Variants in ADAMTS19 observed in about 807,000 individuals in gnomAD.
The protein encoded by ADAMTS19 is A disintegrin and metalloproteinase with thrombospondin motifs 19.
Under a neutral mutation model 153.3 loss-of-function variants are expected in ADAMTS19, and 93 were observed. The ratio of observed to expected loss-of-function variants is 0.61; its 90% CI spans 0.51 to 0.72. The LOEUF (loss-of-function observed/expected upper bound fraction) is 0.72, where lower values mean the gene tolerates loss of function less well. Among genes scored for constraint, ADAMTS19 ranks in the 30% least tolerant of loss-of-function variants. The probability of loss-of-function intolerance (pLI) is 0.00; values close to 1 mark genes in which losing one functional copy is unlikely to be tolerated. For missense variants in ADAMTS19, 1,482 were observed against 1,552.1 expected, an observed-to-expected ratio of 0.95 and a Z score of 0.76; for synonymous variants, 600 against 556.6, an observed-to-expected ratio of 1.08 and a Z score of -1.10.
chr5:129,540,022 G>T (rs1488103857), intron 6 of ADAMTS19, among the ~76,000 whole-genome samples: 1 of 152,028 alleles, frequency 6.6e-6, no homozygotes, highest in Non-Finnish European at 1.5e-5. Context: ...TTTCTAGTTA[G>T]GGTAAAGATG....
At chr5:129,724,951 A>G (rs979441086) in intron 21 of ADAMTS19, among the ~76,000 whole-genome samples, 5 of 152,106 alleles carry the variant, frequency 3.3e-5, no homozygotes, top group African/African-American at 9.7e-5. Context: ...TCAATGTTGA[A>G]CATATCTGGG....
In ADAMTS19 at chr5:129,702,971, T is replaced by TATATATATATATATAC. The variant is rs1389589629; in HGVS notation, c.3160-1267_3160-1266insTATATATATATATACA. Among the ~76,000 whole-genome samples the TATATATATATATATAC allele has an allele frequency of 1.2e-3, 159 of 129,722 alleles. 2 individuals carry two copies. The highest frequency in any genetic ancestry group is 1.4e-3 in the Non-Finnish European group (87 of 64,296). 85.1% of individuals were successfully genotyped at this position (129,722 alleles called of 152,430 possible). On this transcript the variant is annotated intron_variant, in intron 20 of 22. Coordinates refer to ENST00000274487, the MANE Select transcript of ADAMTS19 (RefSeq NM_133638.6). ...ATATATATATATATATATATATATA[T>TATATATATATATATAC]ACAAATACATATATATATGTATTAA... is the stretch of plus-strand genomic sequence containing the variant.
At chr5:129,498,770 C>T (rs1286514008) in intron 2 of ADAMTS19, among the ~76,000 whole-genome samples, 1 of 150,880 alleles carries the variant, frequency 6.6e-6, no homozygotes, top group African/African-American at 2.4e-5. Context: ...ATTGAGCTAC[C>T]CTTTCTGGCT....
chr5:129,485,217 A>G (rs1288563504), intron 2 of ADAMTS19, among the ~76,000 whole-genome samples: 1 of 152,166 alleles, frequency 6.6e-6, no homozygotes, highest in African/African-American at 2.4e-5. Flanking sequence ...ATATTACTTC[A>G]AATTTAGAAA....
In ADAMTS19 at chr5:129,684,292, T is replaced by C. The variant is rs1754967023; in HGVS notation, c.2818+19T>C. 6.2e-7 allele frequency: 1 copy of C among 1,612,144 alleles called. No individual in the cohort carries two copies. Among genetic ancestry groups the C allele is most frequent in the Non-Finnish European group, 8.5e-7 (1 of 1,179,164 alleles). On this transcript the variant is annotated intron_variant, in intron 18 of 22. Coordinates refer to ENST00000274487, the MANE Select transcript of ADAMTS19 (RefSeq NM_133638.6). ...GGAGGAGGTGAAGGATTTTTAAACA[T>C]TTATCTTTCCAAAACATCAGTTGTT...
intron 2 of ADAMTS19, among the ~76,000 whole-genome samples, chr5:129,501,438 C>T (rs1395869100): frequency 2.6e-5 from 4 of 152,102 alleles, no homozygotes; most frequent in Admixed American, 6.6e-5. Context: ...AGGGATGGGG[C>T]CTGGCCTGGC....
At chr5:129,642,093 G>A (rs1752815709) in intron 11 of ADAMTS19, 133 bp downstream of exon 11, 1 of 433,292 alleles carries the variant, frequency 2.3e-6, no homozygotes. Flanking sequence ...AAAAATATTA[G>A]TATTTCATCA....
chr5:129,726,585 T>C (rs114655714), intron 21 of ADAMTS19, among the ~76,000 whole-genome samples: 1 of 152,016 alleles, frequency 6.6e-6, no homozygotes, highest in Non-Finnish European at 1.5e-5. Flanking sequence ...AAGAAACACC[T>C]ACTTAAGGGT....
At chr5:129,668,487 C>G (rs561894815) in intron 16 of ADAMTS19, among the ~76,000 whole-genome samples, 67 of 152,242 alleles carry the variant, frequency 4.4e-4, no homozygotes, top group African/African-American at 1.6e-3. Context: ...CAGATGGCAT[C>G]TTCTTGCTAT....
At chr5:129,591,083 C>T (rs750116505) in intron 7 of ADAMTS19, among the ~76,000 whole-genome samples, 1 of 152,116 alleles carries the variant, frequency 6.6e-6, no homozygotes, top group Non-Finnish European at 1.5e-5. Context: ...CCTGTTTAGT[C>T]CTTTGTTCAG....
At chr5:129,646,682 CACATTT>C (rs1428945596) in intron 11 of ADAMTS19, among the ~76,000 whole-genome samples, 2 of 152,082 alleles carry the variant, frequency 1.3e-5, no homozygotes, top group Non-Finnish European at 2.9e-5. Flanking sequence ...GATTATCATT[CACATTT>C]TAGAAATGAG....
chr5:129,502,345 G>T (rs1254159723), intron 2 of ADAMTS19, among the ~76,000 whole-genome samples: 6 of 152,130 alleles, frequency 3.9e-5, no homozygotes, highest in African/African-American at 1.4e-4. Context: ...TAAGTAGCAA[G>T]CAAAGATAGC....
chr5:129,640,026 G>C (rs1752723339), intron 10 of ADAMTS19, among the ~76,000 whole-genome samples: 1 of 152,094 alleles, frequency 6.6e-6, no homozygotes, highest in African/African-American at 2.4e-5. Flanking sequence ...AATTTTCTAG[G>C]TGAATTTTTG....
chr5:129,656,599 C>T (rs1279736995), intron 14 of ADAMTS19, among the ~76,000 whole-genome samples: 4 of 152,316 alleles, frequency 2.6e-5, no homozygotes, highest in Admixed American at 2.6e-4. Context: ...CTACCAGTCA[C>T]GAGGCATTGC....
At chr5:129,489,745 G>A (rs886353448) in intron 2 of ADAMTS19, among the ~76,000 whole-genome samples, 1 of 152,080 alleles carries the variant, frequency 6.6e-6, no homozygotes, top group Non-Finnish European at 1.5e-5. Context: ...TCAGCAGCCA[G>A]AGTGTGCAGT....
intron 3 of ADAMTS19, among the ~76,000 whole-genome samples, chr5:129,519,701 G>T (rs1419835336): frequency 6.6e-6 from 1 of 151,886 alleles, no homozygotes; most frequent in Non-Finnish European, 1.5e-5. Flanking sequence ...ATACACAAGG[G>T]ATGATGTGAT....
intron 2 of ADAMTS19, among the ~76,000 whole-genome samples, chr5:129,478,265 A>T (rs1045585818): frequency 1.2e-4 from 18 of 152,166 alleles, no homozygotes; most frequent in Non-Finnish European, 1.5e-5. Flanking sequence ...TTTTTTTGTC[A>T]TTAATAAAAT....
At chr5:129,495,510 G>A (rs1434265341) in intron 2 of ADAMTS19, among the ~76,000 whole-genome samples, 1 of 152,058 alleles carries the variant, frequency 6.6e-6, no homozygotes, top group Non-Finnish European at 1.5e-5. Flanking sequence ...TCAGAACTCA[G>A]GGTATATAGT....
chr5:129,673,145 A>T (rs942156967), intron 16 of ADAMTS19, among the ~76,000 whole-genome samples: 1 of 152,032 alleles, frequency 6.6e-6, no homozygotes, highest in African/African-American at 2.4e-5. Context: ...GGTGTTAATG[A>T]TTATCCCTAT....
Sources: allele counts gnomAD v4.1 joint callset (sites outside exome capture counted in the v4.1 genomes callset), GRCh38; gene constraint gnomAD v4.1.1; transcripts MANE v1.5; gene names NCBI Gene and HGNC (gene_info 2026-07-23, HGNC 2026-07-21).